L3MBTL4: variants seen among roughly 807,000 people sequenced by gnomAD.
L3MBTL4 encodes lethal(3)malignant brain tumor-like protein 4.
In L3MBTL4, 70 loss-of-function variants were observed where a neutral mutation model predicts 84.5. The ratio of observed to expected loss-of-function variants is 0.83; its 90% CI spans 0.68 to 1.01. The LOEUF is 1.01. Ranked by LOEUF, L3MBTL4 falls within the 50% of genes least tolerant of loss-of-function variation. L3MBTL4 has a pLI of 0.00. For synonymous variants in L3MBTL4, 274 were observed against 259.8 expected, an observed-to-expected ratio of 1.05 and a Z score of -0.52; for missense variants, 715 against 754.8, an observed-to-expected ratio of 0.95 and a Z score of 0.62.
At chr18:5,962,520 T>A (rs543108742) in intron 17 of L3MBTL4, among the ~76,000 whole-genome samples, 16 of 152,260 alleles carry the variant, frequency 1.1e-4, no homozygotes, top group Non-Finnish European at 2.1e-4. Context: ...CGGGGAGCCC[T>A]GAGCCTTGGC....
chr18:6,280,930 C>T (rs993445681), intron 4 of L3MBTL4, among the ~76,000 whole-genome samples: 21 of 152,214 alleles, frequency 1.4e-4, no homozygotes, highest in African/African-American at 5.1e-4. Flanking sequence ...CTCCTCACAC[C>T]TTGACTCTGG....
chr18:6,337,503 G>A (rs2052399180), intron 1 of L3MBTL4, among the ~76,000 whole-genome samples: 1 of 152,004 alleles, frequency 6.6e-6, no homozygotes, highest in Non-Finnish European at 1.5e-5. Context: ...GACTTGAAGG[G>A]ATGCATACCA....
intron 10 of L3MBTL4, among the ~76,000 whole-genome samples, chr18:6,226,513 T>C (rs2046790493): frequency 6.6e-6 from 1 of 152,198 alleles, no homozygotes; most frequent in East Asian, 1.9e-4. Context: ...GAAGGTAAAA[T>C]TGCTTTTACT....
chr18:6,409,059 T>C (rs56378595), intron 1 of L3MBTL4, among the ~76,000 whole-genome samples: 2,240 of 152,288 alleles, frequency 0.015, 26 homozygotes, highest in Middle Eastern at 0.12. Flanking sequence ...CTTCCCTTAT[T>C]ACCTTCCTTT....
chr18:6,373,415 A>T lies in L3MBTL4; in HGVS notation c.-91+41386T>A, dbSNP rs536903365. Among the ~76,000 whole-genome samples, 7 of 151,856 alleles carry T rather than the reference A, an allele frequency of 4.6e-5. No homozygotes were observed. The East Asian group carries it at 1.4e-3, about 29-fold the overall frequency. ...TACTTGCATAAAAACGCAGACCAAC[A>T]CTCCACTAGACGTCCTTGACATTGA... On this transcript the variant is annotated intron_variant, in intron 1 of 18. Coordinates refer to ENST00000317931, the MANE Select transcript of L3MBTL4 (RefSeq NM_001330559.2).
chr18:6,379,408 A>G (rs113799861), intron 1 of L3MBTL4, among the ~76,000 whole-genome samples: 21,880 of 152,100 alleles, frequency 0.14, 2,040 homozygotes, highest in East Asian at 0.3. Context: ...TTTTCAAAGG[A>G]AATGTTCCAG....
chr18:6,250,641 G>A (rs1205179438), intron 5 of L3MBTL4, among the ~76,000 whole-genome samples: 1 of 152,052 alleles, frequency 6.6e-6, no homozygotes, highest in Non-Finnish European at 1.5e-5. Flanking sequence ...GAGAGGTGGG[G>A]GAAATTGGGC....
intron 16 of L3MBTL4, among the ~76,000 whole-genome samples, chr18:5,979,961 A>G (rs191726942): frequency 6.6e-6 from 1 of 152,308 alleles, no homozygotes; most frequent in East Asian, 1.9e-4. Flanking sequence ...GGCAGGCAGT[A>G]AAGGCACACG....
At chr18:6,119,248 A>G (rs1352579586) in intron 14 of L3MBTL4, among the ~76,000 whole-genome samples, 3 of 151,806 alleles carry the variant, frequency 2.0e-5, no homozygotes, top group African/African-American at 7.3e-5. Flanking sequence ...AATCCTTAGC[A>G]CTTATCTCTG....
chr18:6,108,313 A>G (rs1568132614), intron 14 of L3MBTL4, among the ~76,000 whole-genome samples: 1 of 152,222 alleles, frequency 6.6e-6, no homozygotes, highest in Non-Finnish European at 1.5e-5. Context: ...GGGAAATAAT[A>G]TTCAAAACAG....
At chr18:6,198,707 G>A (rs906844555) in intron 12 of L3MBTL4, among the ~76,000 whole-genome samples, 1 of 152,136 alleles carries the variant, frequency 6.6e-6, no homozygotes, top group African/African-American at 2.4e-5. Context: ...ATTAAATGAA[G>A]ATATCTCAGC....
rs532047636 is a variant in L3MBTL4 at position 6,030,215 on chromosome 18, G to A, written c.1444+50666C>T. 93 of 880,178 alleles carry A rather than the reference G, an allele frequency of 1.1e-4. 2 individuals are homozygous for A. The South Asian group carries it at 2.6e-3, about 25-fold the overall frequency. 54.5% of individuals were successfully genotyped at this position (880,178 alleles called of 1,614,324 possible). On this transcript the variant is annotated intron_variant, in intron 16 of 18. Transcript: ENST00000317931. ...GAGAAGTATACAGTGATTATTCCAA[G>A]GGAGGAAACTGAAGGCTGAGGATCA... is the stretch of plus-strand genomic sequence containing the variant.
At chr18:6,096,246 T>C (rs987687113) in intron 14 of L3MBTL4, among the ~76,000 whole-genome samples, 1 of 152,166 alleles carries the variant, frequency 6.6e-6, no homozygotes, top group African/African-American at 2.4e-5. Flanking sequence ...AGATGTTCTG[T>C]TTCCCTCAGT....
intron 13 of L3MBTL4, among the ~76,000 whole-genome samples, chr18:6,140,392 C>T (rs1027005577): frequency 5.3e-5 from 8 of 152,112 alleles, no homozygotes; most frequent in Admixed American, 2.6e-4. Flanking sequence ...ATGGATGGCC[C>T]GAAACAACCT....
intron 10 of L3MBTL4, among the ~76,000 whole-genome samples, chr18:6,234,415 C>T (rs1413501418): frequency 9.9e-5 from 15 of 152,142 alleles, no homozygotes; most frequent in Non-Finnish European, 5.9e-5. Context: ...GCAATCTACT[C>T]ATCTGACAAA....
chr18:6,195,720 G>A (rs2045346288), intron 12 of L3MBTL4, among the ~76,000 whole-genome samples: 1 of 152,194 alleles, frequency 6.6e-6, no homozygotes, highest in East Asian at 1.9e-4. Flanking sequence ...AGAATCCCAT[G>A]CAATCACTAC....
At chr18:6,104,187 T>A (rs894346334) in intron 14 of L3MBTL4, among the ~76,000 whole-genome samples, 1 of 150,564 alleles carries the variant, frequency 6.6e-6, no homozygotes, top group Non-Finnish European at 1.5e-5. Context: ...CCTAAAAAAA[T>A]TAAAAATTAC....
intron 14 of L3MBTL4, among the ~76,000 whole-genome samples, chr18:6,120,270 G>GGT (rs2059484887): frequency 1.3e-5 from 2 of 152,156 alleles, no homozygotes; most frequent in African/African-American, 4.8e-5. Flanking sequence ...CCCGGGGCCT[G>GGT]CTTGCTAATG....
intron 16 of L3MBTL4, among the ~76,000 whole-genome samples, chr18:6,071,806 A>G (rs1482722007): frequency 1.4e-3 from 189 of 138,572 alleles, no homozygotes; most frequent in African/African-American, 5.9e-3. Context: ...AGAAAGAAAA[A>G]GAAAGAAAGG....
Sources: gnomAD v4.1 joint callset for allele counts (sites outside exome capture counted in the v4.1 genomes callset) on GRCh38, gnomAD v4.1.1 for gene constraint, MANE v1.5 for transcripts, NCBI Gene and HGNC (gene_info 2026-07-23, HGNC 2026-07-21) for gene names.